Variants in PLPP3 observed in about 807,000 individuals in gnomAD.
PLPP3 encodes the protein phospholipid phosphatase 3.
A neutral mutation model predicts 29.6 loss-of-function variants in PLPP3; 6 were observed. The ratio of observed to expected loss-of-function variants is 0.20; its 90% CI spans 0.11 to 0.40. The LOEUF (loss-of-function observed/expected upper bound fraction) is 0.40. Among genes scored for constraint, PLPP3 ranks in the 10% least tolerant of loss-of-function variants. The pLI, the probability that PLPP3 is intolerant of heterozygous loss-of-function variation, is 1.00. For missense variants in PLPP3, 308 were observed against 407.7 expected, an observed-to-expected ratio of 0.76 and a Z score of 2.11; for synonymous variants, 152 against 159.7, an observed-to-expected ratio of 0.95 and a Z score of 0.36.
At chr1:56,552,716 G>A (rs1449700185) in intron 1 of PLPP3, among the ~76,000 whole-genome samples, 1 of 152,104 alleles carries the variant, frequency 6.6e-6, no homozygotes, top group Non-Finnish European at 1.5e-5. Flanking sequence ...ATCTTTCCCA[G>A]GACAACTTTA....
rs1252295765 is a variant in PLPP3 at position 56,494,862 on chromosome 1, T to C, written c.*1689A>G. The C allele has an allele frequency of 2.6e-5, 4 of 152,670 alleles. No homozygotes were observed. The highest frequency in any genetic ancestry group is 5.9e-5 in the Non-Finnish European group (4 of 68,052). 9.5% of individuals were successfully genotyped at this position (152,670 alleles called of 1,614,324 possible). A position where few individuals can be genotyped will look rare whatever the true frequency, so the allele number is the denominator to read the frequency against. On this transcript the variant is annotated 3_prime_UTR_variant, in exon 6 of 6. Transcript: ENST00000371250. Reference sequence around the variant, plus strand: ...GTATGCTACAAAAGTCTTTGAATATTATTCTCTTTACAAAATGGAACCTTA... The same window carrying C: ...GTATGCTACAAAAGTCTTTGAATATCATTCTCTTTACAAAATGGAACCTTA...
rs1278395994 is a variant in PLPP3, at chr1:56,540,576, T to C, written c.140-3464A>G. On this transcript the variant is annotated intron_variant, in intron 1 of 5. Transcript: ENST00000371250. ...CTTGGGGAGGGTTTCCGGTTCTGAT[T>C]ATGTGGATGAAGACCACAAACAGAC... Among the ~76,000 whole-genome samples the C allele has an allele frequency of 5.3e-5, 8 of 152,168 alleles. No individual in the cohort carries two copies. The East Asian group carries it at 1.5e-3, about 29-fold the overall frequency.
chr1:56,551,049 C>T (rs1234139316), intron 1 of PLPP3, among the ~76,000 whole-genome samples: 1 of 152,176 alleles, frequency 6.6e-6, no homozygotes, highest in African/African-American at 2.4e-5. Flanking sequence ...ACTCTCCACC[C>T]TCCCTCCCTG....
chr1:56,524,345 G>T lies in PLPP3; in HGVS notation c.507C>A (p.Ile169=). Residue 169 remains isoleucine (I), a synonymous_variant, in exon 3 of 6, where the codon ATC becomes ATA. Coordinates refer to ENST00000371250, the MANE Select transcript of PLPP3 (RefSeq NM_003713.5). The surrounding 1 kb of genome is among the most constrained non-coding windows in gnomAD (Gnocchi z 4.3). ...LSVCNPDFSQ[I]NCSEGYIQNY... ...TCTGAATGTAGCCTTCAGAGCAGTT[G>T]ATCTGGCTGAAATCAGGGTTGCAGA... The T allele has an allele frequency of 6.2e-7, 1 of 1,614,060 alleles. No individual in the cohort carries two copies. The highest frequency in any genetic ancestry group is 8.5e-7 in the Non-Finnish European group (1 of 1,179,948).
chr1:56,515,922 T>A (rs994069183), intron 4 of PLPP3, among the ~76,000 whole-genome samples: 10 of 152,086 alleles, frequency 6.6e-5, no homozygotes, highest in Non-Finnish European at 1.5e-4. Flanking sequence ...GTTGCCAGGA[T>A]CAAAGGAGAT....
rs552709808 is a variant in PLPP3 at position 56,558,757 on chromosome 1, T to G, written c.139+20121A>C. On this transcript the variant is annotated intron_variant, in intron 1 of 5. Transcript: ENST00000371250. ...GCCAGGATCGGAACCCAGAACTGTC[T>G]GGCCCTAAGACATATCCTCTTTCCA... 5.1e-3 allele frequency among the ~76,000 whole-genome samples: 774 copies of G among 152,346 alleles called. 3 individuals carry two copies. The highest frequency in any genetic ancestry group is 9.0e-3 in the Non-Finnish European group (614 of 68,034).
At chr1:56,573,414 C>T (rs1238688850) in intron 1 of PLPP3, among the ~76,000 whole-genome samples, 1 of 152,134 alleles carries the variant, frequency 6.6e-6, no homozygotes, top group Non-Finnish European at 1.5e-5. Flanking sequence ...GTACAGACAA[C>T]CTAACAATGC....
intron 2 of PLPP3, among the ~76,000 whole-genome samples, chr1:56,535,887 CAATCCTCTTGAGGG>C (rs1645923473): frequency 6.6e-6 from 1 of 152,196 alleles, no homozygotes; most frequent in Non-Finnish European, 1.5e-5. Flanking sequence ...ATTCTTACAG[CAATCCTCTTGAGGG>C]AATCCAAACA....
At chr1:56,568,731 T>A (rs971862559) in intron 1 of PLPP3, among the ~76,000 whole-genome samples, 2 of 152,116 alleles carry the variant, frequency 1.3e-5, no homozygotes, top group Admixed American at 6.5e-5. Context: ...GTTCAAGCAA[T>A]TCTCTGCCTC....
chr1:56,499,622 G>A (rs965281549), intron 5 of PLPP3, among the ~76,000 whole-genome samples: 3 of 152,156 alleles, frequency 2.0e-5, no homozygotes, highest in Non-Finnish European at 4.4e-5. Flanking sequence ...GGAGCCAAGC[G>A]GTGAGGTGAA....
chr1:56,545,394 G>A (rs1031608384), intron 1 of PLPP3, among the ~76,000 whole-genome samples: 5 of 152,188 alleles, frequency 3.3e-5, no homozygotes, highest in African/African-American at 1.2e-4. Flanking sequence ...AAGCTTTTAT[G>A]TGGGGGTAAG....
At chr1:56,556,994 G>GA (rs1196034561) in intron 1 of PLPP3, among the ~76,000 whole-genome samples, 1 of 7,602 alleles carries the variant, frequency 1.3e-4, no homozygotes, top group African/African-American at 3.3e-4. Flanking sequence ...AAGAAAGAAA[G>GA]AAAGAAAGAA....
intron 1 of PLPP3, among the ~76,000 whole-genome samples, chr1:56,576,616 G>A (rs1469925409): frequency 6.6e-6 from 1 of 152,182 alleles, no homozygotes; most frequent in Non-Finnish European, 1.5e-5. Flanking sequence ...AAGCACCCCT[G>A]AAAACAAGTA....
rs71048436 is a variant in PLPP3, at chr1:56,501,007, C to CAAAAA, written c.811-4336_811-4332dup. On this transcript the variant is annotated intron_variant, in intron 5 of 5. Transcript: ENST00000371250. ...CGAGACAGCGAGACTCTGTCTCAGA[C>CAAAAA]AAAAAAAAAAAAAAAAAAAAAAAAA... 2.1e-4 allele frequency among the ~76,000 whole-genome samples: 18 copies of CAAAAA among 84,928 alleles called. 2 individuals carry two copies. Among genetic ancestry groups the CAAAAA allele is most frequent in the African/African-American group, 6.3e-4 (11 of 17,598 alleles). 55.7% of individuals were successfully genotyped at this position (84,928 alleles called of 152,430 possible).
chr1:56,517,553 T>C (rs1020940725), intron 4 of PLPP3, among the ~76,000 whole-genome samples: 3 of 152,216 alleles, frequency 2.0e-5, no homozygotes, highest in African/African-American at 4.8e-5. Flanking sequence ...ATTCTACAGA[T>C]GAAGAAATCA....
At chr1:56,570,536 G>T (rs1646190997) in intron 1 of PLPP3, among the ~76,000 whole-genome samples, 1 of 152,130 alleles carries the variant, frequency 6.6e-6, no homozygotes, top group Non-Finnish European at 1.5e-5. Context: ...TTTTAAATTT[G>T]GGAATTTAAA....
chr1:56,503,414 C>T (rs568690124), intron 5 of PLPP3, among the ~76,000 whole-genome samples: 2 of 152,232 alleles, frequency 1.3e-5, no homozygotes, highest in East Asian at 3.9e-4. Flanking sequence ...ACCGGCTGGC[C>T]GCGGTGGCTC....
At chr1:56,517,353 C>T (rs1645787946) in intron 4 of PLPP3, among the ~76,000 whole-genome samples, 1 of 152,220 alleles carries the variant, frequency 6.6e-6, no homozygotes, top group Admixed American at 6.5e-5. Context: ...TAACTACTTT[C>T]AGGACAAAAG....
chr1:56,525,060 C>A (rs1008859141), intron 2 of PLPP3, among the ~76,000 whole-genome samples: 1 of 152,120 alleles, frequency 6.6e-6, no homozygotes, highest in Non-Finnish European at 1.5e-5. Flanking sequence ...GAGCTGGACA[C>A]ACCATGGTTA....
Sources: allele counts gnomAD v4.1 joint callset (sites outside exome capture counted in the v4.1 genomes callset), GRCh38; gene constraint gnomAD v4.1.1; non-coding constraint Gnocchi (gnomAD v3.1); transcripts MANE v1.5; gene names NCBI Gene and HGNC (gene_info 2026-07-23, HGNC 2026-07-21).